Variants in VCL observed in about 807,000 individuals in gnomAD.
VCL encodes vinculin, also known as epididymis luminal protein 114.
Under a neutral mutation model 125.7 loss-of-function variants are expected in VCL, and 47 were observed. That is an observed-to-expected ratio of 0.37 (90% CI 0.30 to 0.48). VCL has a LOEUF of 0.48. Among genes scored for constraint, VCL ranks in the 20% least tolerant of loss-of-function variants. VCL has a pLI of 0.99. For synonymous variants in VCL, 458 were observed against 514.6 expected (o/e 0.89, Z 1.49); for missense variants, 1,069 against 1,455.5 (o/e 0.73, Z 4.32).
Position 74,071,161 on chromosome 10 carries a change from A to T in VCL, c.499+78A>T. 1 of 1,390,128 alleles carries T rather than the reference A, an allele frequency of 7.2e-7. No individual in the cohort carries two copies. Among genetic ancestry groups the T allele is most frequent in the South Asian group, 1.2e-5 (1 of 84,958 alleles). 86.1% of individuals were successfully genotyped at this position (1,390,128 alleles called of 1,614,324 possible). A position where few individuals can be genotyped will look rare whatever the true frequency, so the allele number is the denominator to read the frequency against. ...CCAAAGGAAAGGGTACCCTCTTCCTACTTTTTGCAGAAGATAGGTGAAGAT... is the reference window on the plus strand; with the variant it reads ...CCAAAGGAAAGGGTACCCTCTTCCTTCTTTTTGCAGAAGATAGGTGAAGAT... On this transcript the variant is annotated intron_variant, in intron 4 of 21. Transcript: ENST00000211998. The surrounding 1 kb of genome is among the most constrained non-coding windows in gnomAD (Gnocchi z 4.1).
intron 8 of VCL, among the ~76,000 whole-genome samples, chr10:74,088,496 AATG>A (rs1411200844): frequency 2.6e-5 from 4 of 152,198 alleles, no homozygotes; most frequent in African/African-American, 7.2e-5. Context: ...TCATTATAAA[AATG>A]ATGATAATTC....
intron 13 of VCL, among the ~76,000 whole-genome samples, chr10:74,100,524 G>T (rs1386709817): frequency 6.6e-6 from 1 of 152,156 alleles, no homozygotes; most frequent in Non-Finnish European, 1.5e-5. Context: ...GGATGTTCTG[G>T]GCTTTTAATG....
intron 1 of VCL, among the ~76,000 whole-genome samples, chr10:74,018,756 G>C (rs113287140): frequency 0.01 from 1,571 of 152,200 alleles, 20 homozygotes; most frequent in African/African-American, 0.035. Flanking sequence ...AAAAGGTAAA[G>C]GTATACAGTG....
At chr10:74,010,478 ATCTT>A (rs1045748442) in intron 1 of VCL, among the ~76,000 whole-genome samples, 12 of 152,276 alleles carry the variant, frequency 7.9e-5, no homozygotes, top group Middle Eastern at 3.4e-3. Flanking sequence ...TAGAAAATCT[ATCTT>A]TATTTGCAAT....
intron 12 of VCL, among the ~76,000 whole-genome samples, chr10:74,096,603 G>A (rs1839973175): frequency 6.6e-6 from 1 of 152,142 alleles, no homozygotes; most frequent in Non-Finnish European, 1.5e-5. Context: ...TGGATTAAAT[G>A]TGATGACTAT....
intron 11 of VCL, 57 bp from the exon 12 acceptor site, chr10:74,095,599 G>A: frequency 6.2e-7 from 1 of 1,607,050 alleles, no homozygotes. Flanking sequence ...CCACAGAATG[G>A]CATTGCAATT....
intron 1 of VCL, among the ~76,000 whole-genome samples, chr10:74,012,747 A>T (rs1840459000): frequency 6.6e-6 from 1 of 152,056 alleles, no homozygotes. Context: ...GCCCAAACTC[A>T]CTGGGTTTTT....
At chr10:74,115,395 A>G (rs755475071) in intron 21 of VCL, among the ~76,000 whole-genome samples, 18 of 114,434 alleles carry the variant, frequency 1.6e-4, no homozygotes, top group African/African-American at 5.5e-4. Context: ...TAGATAAATA[A>G]ATAAATAAAT....
At chr10:74,037,214 C>T (rs1020543632) in intron 1 of VCL, among the ~76,000 whole-genome samples, 7 of 152,180 alleles carry the variant, frequency 4.6e-5, no homozygotes, top group African/African-American at 7.2e-5. Context: ...TAAGCCACCA[C>T]GGCTGACTGT....
chr10:74,011,252 G>A (rs1565632743), intron 1 of VCL, among the ~76,000 whole-genome samples: 2 of 151,808 alleles, frequency 1.3e-5, no homozygotes, highest in Non-Finnish European at 2.9e-5. Context: ...ATGCAAAGAG[G>A]TAGAGTGGGA....
At chr10:74,074,183 C>T (rs1839539690) in intron 5 of VCL, among the ~76,000 whole-genome samples, 1 of 152,208 alleles carries the variant, frequency 6.6e-6, no homozygotes, top group Non-Finnish European at 1.5e-5. Context: ...TTGCAGTGAG[C>T]CGAGATCACG....
At chr10:74,003,518 C>T (rs1281647086) in intron 1 of VCL, among the ~76,000 whole-genome samples, 1 of 152,156 alleles carries the variant, frequency 6.6e-6, no homozygotes, top group Non-Finnish European at 1.5e-5. Flanking sequence ...AATGGGGCTT[C>T]AGATACTTTG....
chr10:74,015,787 C>T (rs914882142), intron 1 of VCL, among the ~76,000 whole-genome samples: 6 of 151,518 alleles, frequency 4.0e-5, no homozygotes, highest in African/African-American at 1.2e-4. Flanking sequence ...CAGGTTCAAG[C>T]GATTCTCCTG....
intron 1 of VCL, among the ~76,000 whole-genome samples, chr10:74,022,529 G>T (rs182214330): frequency 6.6e-6 from 1 of 151,942 alleles, no homozygotes; most frequent in East Asian, 1.9e-4. Flanking sequence ...TTGGGTGACA[G>T]AGCGAGACTC....
At chr10:74,092,677 C>T (rs1839908053) in intron 10 of VCL, among the ~76,000 whole-genome samples, 1 of 152,124 alleles carries the variant, frequency 6.6e-6, no homozygotes, top group Admixed American at 6.5e-5. Flanking sequence ...CTCCAGATAC[C>T]ATCACTGGTT....
In VCL at chr10:74,103,156, C is replaced by T. The variant is rs147989317; in HGVS notation, c.2023-664C>T. Among the ~76,000 whole-genome samples, 184 of 152,338 alleles carry T rather than the reference C, an allele frequency of 1.2e-3. 1 individual carries two copies. The highest frequency in any genetic ancestry group is 4.3e-3 in the African/African-American group (177 of 41,570). Reference sequence around the variant, plus strand: ...GTGCTGGGATTATGGGTATGAGCCACTGCACCCGGCCGACTCCTCTGTGCT... The same window carrying T: ...GTGCTGGGATTATGGGTATGAGCCATTGCACCCGGCCGACTCCTCTGTGCT... On this transcript the variant is annotated intron_variant, in intron 14 of 21. Transcript: ENST00000211998.
intron 2 of VCL, among the ~76,000 whole-genome samples, chr10:74,066,673 ATT>A (rs34258352): frequency 0.083 from 11,874 of 142,462 alleles, 1,264 homozygotes; most frequent in African/African-American, 0.26. Flanking sequence ...TTATAAAATG[ATT>A]TTTTTTTTTT....
At chr10:74,109,251 A>G in intron 18 of VCL, 95 bp downstream of exon 18, 1 of 1,473,522 alleles carries the variant, frequency 6.8e-7, no homozygotes, top group Non-Finnish European at 9.3e-7. Flanking sequence ...ATTTGGAGTC[A>G]CCCTCTCTCT....
Position 73,998,118 on chromosome 10 carries a change from T to C in VCL, c.-90T>C, listed in dbSNP as rs1840148890. On this transcript the variant is annotated 5_prime_UTR_variant, in exon 1 of 22. Transcript: ENST00000211998. ...GCCGAGGGAAGCCCCGACTCCGTAG[T>C]CGCTGCACAGTCTGTCTCTTCGCCG... The C allele has an allele frequency of 4.5e-6, 7 of 1,550,728 alleles. No homozygotes were observed. Among genetic ancestry groups the C allele is most frequent in the Non-Finnish European group, 6.1e-6 (7 of 1,149,354 alleles).
Sources: allele counts gnomAD v4.1 joint callset (sites outside exome capture counted in the v4.1 genomes callset), GRCh38; gene constraint gnomAD v4.1.1; non-coding constraint Gnocchi (gnomAD v3.1); transcripts MANE v1.5; gene names NCBI Gene and HGNC (gene_info 2026-07-23, HGNC 2026-07-21).